The following GLCE variants were observed in gnomAD, a reference collection of about 807,000 sequenced individuals.
GLCE encodes D-glucuronyl C5-epimerase.
Under a neutral mutation model 47.9 loss-of-function variants are expected in GLCE, and 19 were observed. The observed-to-expected ratio is 0.40, with a 90% confidence interval of 0.28 to 0.58. GLCE has a LOEUF of 0.58. Ranked by LOEUF, GLCE falls within the 20% of genes least tolerant of loss-of-function variation. The pLI, the probability that GLCE is intolerant of heterozygous loss-of-function variation, is 0.48. For missense variants in GLCE, 556 were observed against 743.3 expected, an observed-to-expected ratio of 0.75 and a Z score of 2.93; for synonymous variants, 245 against 263.4, an observed-to-expected ratio of 0.93 and a Z score of 0.68.
intron 2 of GLCE, among the ~76,000 whole-genome samples, chr15:69,246,695 G>A (rs1298559325): frequency 4.8e-5 from 7 of 146,702 alleles, no homozygotes; most frequent in South Asian, 4.3e-4. Flanking sequence ...CAGCCTGGGC[G>A]ATACAGTGAG....
intron 3 of GLCE, among the ~76,000 whole-genome samples, chr15:69,259,753 C>T (rs2140445143): frequency 6.6e-6 from 1 of 152,268 alleles, no homozygotes; most frequent in Middle Eastern, 3.4e-3. Context: ...TATAAACCAC[C>T]TTTTATTAAT....
At chr15:69,219,485 G>A (rs970748216) in intron 2 of GLCE, among the ~76,000 whole-genome samples, 4 of 152,096 alleles carry the variant, frequency 2.6e-5, no homozygotes, top group Non-Finnish European at 5.9e-5. Flanking sequence ...TTATTTCAGT[G>A]TTATAAGTAG....
intron 1 of GLCE, among the ~76,000 whole-genome samples, chr15:69,205,675 T>C (rs1031474743): frequency 1.3e-5 from 2 of 152,140 alleles, no homozygotes; most frequent in African/African-American, 4.8e-5. Flanking sequence ...ATCTTTTTCA[T>C]TTTAGCCATT....
At chr15:69,185,464 T>C (rs1170577004) in intron 1 of GLCE, among the ~76,000 whole-genome samples, 1 of 152,066 alleles carries the variant, frequency 6.6e-6, no homozygotes, top group African/African-American at 2.4e-5. Context: ...GTGGACTGGG[T>C]TGTGATTAAG....
chr15:69,162,671 T>A (rs1298560968), intron 1 of GLCE, among the ~76,000 whole-genome samples: 1 of 152,172 alleles, frequency 6.6e-6, no homozygotes, highest in Non-Finnish European at 1.5e-5. Flanking sequence ...GCCCTCCCAG[T>A]TCAGCTTCCC....
chr15:69,185,898 T>C (rs150786885), intron 1 of GLCE, among the ~76,000 whole-genome samples: 1 of 152,172 alleles, frequency 6.6e-6, no homozygotes, highest in South Asian at 2.1e-4. Context: ...TCTGACCAAC[T>C]GGTTTCAAGT....
intron 1 of GLCE, among the ~76,000 whole-genome samples, chr15:69,188,539 G>T (rs1353465191): frequency 3.9e-5 from 6 of 152,168 alleles, no homozygotes; most frequent in Non-Finnish European, 2.9e-5. Context: ...GCTGGACCTG[G>T]AAGTTTTCTT....
Position 69,269,215 on chromosome 15 carries a change from C to T in GLCE, c.1825C>T (p.Leu609Phe), listed in dbSNP as rs2053130307. ...KEFVKRWKSY[L>F]KGSRAKHN ...ATTTGTCAAGAGGTGGAAAAGCTAC[C>T]TTAAAGGCAGCAGGGCAAAGCACAA... is the stretch of plus-strand genomic sequence containing the variant. The change falls in exon 5 of 5, where the codon CTT (leucine) becomes TTT (phenylalanine). Residue 609 changes from leucine (L) to phenylalanine (F), a missense_variant. Physicochemically the swap from Leu to Phe is conservative, Grantham distance 22. Transcript: ENST00000261858. The T allele has an allele frequency of 6.2e-7, 1 of 1,613,932 alleles. No homozygotes were observed. Among genetic ancestry groups the T allele is most frequent in the Non-Finnish European group, 8.5e-7 (1 of 1,179,956 alleles).
At chr15:69,185,185 A>G (rs190948243) in intron 1 of GLCE, among the ~76,000 whole-genome samples, 320 of 152,292 alleles carry the variant, frequency 2.1e-3, no homozygotes, top group African/African-American at 7.4e-3. Flanking sequence ...TATTGGTTTA[A>G]TTGCCATGTT....
chr15:69,237,154 G>T (rs2052603764), intron 2 of GLCE, among the ~76,000 whole-genome samples: 1 of 152,128 alleles, frequency 6.6e-6, no homozygotes, highest in African/African-American at 2.4e-5. Context: ...TTGCAGTATT[G>T]TTTATTCTAC....
intron 2 of GLCE, among the ~76,000 whole-genome samples, chr15:69,226,999 C>T (rs1214400159): frequency 6.6e-6 from 1 of 152,004 alleles, no homozygotes; most frequent in Non-Finnish European, 1.5e-5. Context: ...CCTGCCTCGG[C>T]CTCCCAAAGT....
At chr15:69,266,898 A>C (rs1262062909) in intron 4 of GLCE, 1 of 153,736 alleles carries the variant, frequency 6.5e-6, no homozygotes, top group African/African-American at 2.4e-5. Flanking sequence ...ATGGAGATGT[A>C]ATATAATAAT....
chr15:69,198,446 G>A (rs1222730472), intron 1 of GLCE, among the ~76,000 whole-genome samples: 1 of 152,134 alleles, frequency 6.6e-6, no homozygotes, highest in Non-Finnish European at 1.5e-5. Flanking sequence ...TGTTGACAGG[G>A]CCTGAAGTCT....
At chr15:69,209,062 C>T (rs759931144) in intron 1 of GLCE, among the ~76,000 whole-genome samples, 9 of 151,908 alleles carry the variant, frequency 5.9e-5, no homozygotes, top group Middle Eastern at 3.2e-3. Context: ...CTATTGAGCT[C>T]ATTTAGTGAG....
At chr15:69,250,372 G>A (rs1157006370) in intron 2 of GLCE, among the ~76,000 whole-genome samples, 1 of 151,358 alleles carries the variant, frequency 6.6e-6, no homozygotes, top group African/African-American at 2.4e-5. Flanking sequence ...ATCCTCCTTC[G>A]ATCTCTCTTA....
intron 1 of GLCE, chr15:69,197,157 C>T: frequency 5.1e-6 from 2 of 394,172 alleles, no homozygotes; most frequent in South Asian, 4.0e-5. Context: ...CACAACAATG[C>T]CTGACAATGC....
At chr15:69,170,483 T>TTA (rs1053452924) in intron 1 of GLCE, among the ~76,000 whole-genome samples, 3 of 152,180 alleles carry the variant, frequency 2.0e-5, no homozygotes, top group Non-Finnish European at 4.4e-5. Flanking sequence ...TCTAAAGATA[T>TTA]TATAGACTAT....
chr15:69,213,158 T>A (rs190235779), intron 2 of GLCE, among the ~76,000 whole-genome samples: 1 of 152,182 alleles, frequency 6.6e-6, no homozygotes. Context: ...TTTTTTAATA[T>A]TCATTACTCA....
intron 2 of GLCE, among the ~76,000 whole-genome samples, chr15:69,219,866 A>G (rs2052355457): frequency 6.6e-6 from 1 of 152,052 alleles, no homozygotes; most frequent in South Asian, 2.1e-4. Context: ...GTACTGATTA[A>G]TCAGTAACTC....
Sources: gnomAD v4.1 joint callset for allele counts (sites outside exome capture counted in the v4.1 genomes callset) on GRCh38, gnomAD v4.1.1 for gene constraint, MANE v1.5 for transcripts, NCBI Gene and HGNC (gene_info 2026-07-23, HGNC 2026-07-21) for gene names.